The following OTOP2 variants were observed in gnomAD, a reference collection of about 807,000 sequenced individuals.
OTOP2 encodes otopetrin 2.
Under a neutral mutation model 47.4 loss-of-function variants are expected in OTOP2, and 41 were observed. The observed-to-expected ratio is 0.87, with a 90% confidence interval of 0.67 to 1.12. OTOP2 has a LOEUF of 1.12. Among genes scored for constraint, OTOP2 ranks in the 50% most tolerant of loss-of-function variants. The probability of loss-of-function intolerance (pLI) is 0.00; values close to 1 mark genes in which losing one functional copy is unlikely to be tolerated. For synonymous variants in OTOP2, 328 were observed against 319.6 expected, an observed-to-expected ratio of 1.03 and a Z score of -0.28; for missense variants, 721 against 752.2, an observed-to-expected ratio of 0.96 and a Z score of 0.49.
chr17:74,931,232 C>A, intron 6 of OTOP2, 79 bp downstream of exon 6: 4 of 1,501,232 alleles, frequency 2.7e-6, no homozygotes, highest in Non-Finnish European at 3.6e-6. Context: ...AAGCCCTTAG[C>A]CTTCTCTGTC....
At position 74,928,044 on chromosome 17, in the gene OTOP2, AC is replaced by A; in HGVS notation, c.643+248del. On this transcript the variant is annotated intron_variant, in intron 5 of 6. Transcript: ENST00000331427. ...GGCCCCCCTGTCCAGTCTCCATCCC[AC>A]CAAGAAGGGACCCAGGACCAGGTGC... 4 of 488,426 alleles carry A rather than the reference AC, an allele frequency of 8.2e-6. 1 individual carries two copies. The South Asian group carries it at 1.2e-4, about 15-fold the overall frequency. 30.3% of individuals were successfully genotyped at this position (488,426 alleles called of 1,614,324 possible). A position where few individuals can be genotyped will look rare whatever the true frequency, so the allele number is the denominator to read the frequency against.
Position 74,930,921 on chromosome 17 carries a change from C to T in OTOP2, c.1286C>T (p.Pro429Leu), listed in dbSNP as rs151127499. 13 of 1,613,944 alleles carry T rather than the reference C, an allele frequency of 8.1e-6. No homozygotes were observed. The highest frequency in any genetic ancestry group is 6.7e-5 in the African/African-American group (5 of 74,864). Reference sequence around the variant, plus strand: ...ATCATCGAGAGCCTTCACCGAGGACCGCCCGGGGCTGAGCCTCACAGTACC... The same window carrying T: ...ATCATCGAGAGCCTTCACCGAGGACTGCCCGGGGCTGAGCCTCACAGTACC... ...MFIIESLHRG[P>L]PGAEPHSTHP... The change falls in exon 6 of 7, where the codon CCG (proline) becomes CTG (leucine). Residue 429 changes from proline to leucine, a missense_variant. By Grantham distance (98) the Pro-to-Leu change is moderately conservative. Transcript: ENST00000331427. This position sits in a 1 kb window ranked among gnomAD's most constrained non-coding sequence, Gnocchi z 4.0.
chr17:74,927,897 A>G, intron 5 of OTOP2, 99 bp downstream of exon 5: 2 of 1,452,970 alleles, frequency 1.4e-6, no homozygotes, highest in Non-Finnish European at 1.9e-6. Flanking sequence ...ATGAGGGCAT[A>G]GAGGCAAAGG....
chr17:74,926,509 C>T (rs2079172617), intron 3 of OTOP2, among the ~76,000 whole-genome samples: 1 of 151,852 alleles, frequency 6.6e-6, no homozygotes, highest in Non-Finnish European at 1.5e-5. Context: ...GAGAAGTCCA[C>T]AGAGACTCCT....
At chr17:74,926,563 G>GAA (rs779592267) in intron 3 of OTOP2, among the ~76,000 whole-genome samples, 2 of 134,880 alleles carry the variant, frequency 1.5e-5, no homozygotes, top group African/African-American at 2.7e-5. Context: ...CTTGCTCCCA[G>GAA]AAAAAAAAAA....
rs1221648084 is a variant in OTOP2 at position 74,924,691 on chromosome 17, C to G, written c.59C>G (p.Pro20Arg). ...AGCCCCCCGGCGCCGCGTGCGGGCC[C>G]CAGGGAGGTGTGGAAGAAGGGTGGC... ...KESPPAPRAG[P>R]REVWKKGGRL... is the part of the protein sequence containing the mutation. The change falls in exon 2 of 7, where the codon CCC (proline) becomes CGC (arginine). Residue 20 changes from proline (P) to arginine (R), a missense_variant. By Grantham distance (103) the Pro-to-Arg change is moderately radical. Coordinates refer to ENST00000331427, the MANE Select transcript of OTOP2 (RefSeq NM_178160.3). The surrounding 1 kb of genome is among the most constrained non-coding windows in gnomAD (Gnocchi z 7.7). 98 of 1,601,466 alleles carry G rather than the reference C, an allele frequency of 6.1e-5. No individual in the cohort carries two copies. The highest frequency in any genetic ancestry group is 8.2e-5 in the Non-Finnish European group (97 of 1,176,036).
intron 6 of OTOP2, among the ~76,000 whole-genome samples, chr17:74,932,674 A>T (rs2039070603): frequency 6.6e-6 from 1 of 152,252 alleles, no homozygotes; most frequent in Non-Finnish European, 1.5e-5. Flanking sequence ...AATCACCTCC[A>T]GTAGCATCTT....
At chr17:74,931,255 C>T (rs915225944) in intron 6 of OTOP2, 102 bp downstream of exon 6, 74 of 1,430,976 alleles carry the variant, frequency 5.2e-5, no homozygotes, top group East Asian at 2.1e-4. Context: ...GCCCCCAGCC[C>T]GCCTGAGAAT....
chr17:74,927,784 G>A lies in OTOP2; in HGVS notation c.629G>A (p.Arg210His), dbSNP rs770834227. 38 of 1,613,872 alleles carry A rather than the reference G, an allele frequency of 2.4e-5. No homozygotes were observed. Among genetic ancestry groups the A allele is most frequent in the Admixed American group, 1.0e-4 (6 of 59,970 alleles). Residue 210 changes from arginine to histidine, a missense_variant, in exon 5 of 7, where the codon CGT (arginine) becomes CAT (histidine). Arg to His is a conservative substitution (Grantham distance 29). Transcript: ENST00000331427. ...SSSHSNASHA[R>H]LISDQHADNP... ...TCTCACAGCAACGCCAGCCACGCCC[G>A]TCTCATCTCTGACCGTGAGTTTCCT...
intron 4 of OTOP2, 33 bp downstream of exon 4, chr17:74,927,314 G>T: frequency 6.3e-7 from 1 of 1,591,144 alleles, no homozygotes; most frequent in Non-Finnish European, 8.6e-7. Flanking sequence ...TGTACCCAGC[G>T]TGCTGGTGTT....
intron 6 of OTOP2, among the ~76,000 whole-genome samples, chr17:74,932,866 C>A (rs1186706814): frequency 6.6e-6 from 1 of 152,276 alleles, no homozygotes; most frequent in East Asian, 1.9e-4. Flanking sequence ...ACTTCCACTT[C>A]CTCCCACTCC....
At chr17:74,927,362 C>A (rs2039017374) in intron 4 of OTOP2, 81 bp downstream of exon 4, 1 of 1,475,992 alleles carries the variant, frequency 6.8e-7, no homozygotes, top group Non-Finnish European at 9.5e-7. Flanking sequence ...CACCCTGGGG[C>A]AGGGCCTCTC....
rs2039046917 is a variant in OTOP2, at chr17:74,930,584, G to A, written c.949G>A (p.Asp317Asn). The change falls in exon 6 of 7, where the codon GAC becomes AAC. Residue 317 changes from aspartate (D) to asparagine (N), a missense_variant. Physicochemically the swap from Asp to Asn is conservative, Grantham distance 23. Coordinates refer to ENST00000331427, the MANE Select transcript of OTOP2 (RefSeq NM_178160.3). This position sits in a 1 kb window ranked among gnomAD's most constrained non-coding sequence, Gnocchi z 4.0. ...CATCTACGAGGTTCAAGTGAGCGGG[G>A]ACGGGAGCCGCACCAGGCAGGCCCT... ...FIIYEVQVSG[D>N]GSRTRQALVI... 20 of 1,613,870 alleles carry A rather than the reference G, an allele frequency of 1.2e-5. No homozygotes were observed. The highest frequency in any genetic ancestry group is 1.7e-5 in the Admixed American group (1 of 60,004).
In OTOP2 at chr17:74,930,861, T is replaced by G. The variant is rs1489270473; in HGVS notation, c.1226T>G (p.Leu409Arg). ...GGGCTCAACCTCACCCATGCACTGCTCATGATCGCCCAGCACACCTTCCAG... is the reference window on the plus strand; with the variant it reads ...GGGCTCAACCTCACCCATGCACTGCGCATGATCGCCCAGCACACCTTCCAG... ...LAGLNLTHAL[L>R]MIAQHTFQNM... Residue 409 changes from leucine (L) to arginine (R), a missense_variant, in exon 6 of 7, where the codon CTC becomes CGC. Transcript: ENST00000331427. The surrounding 1 kb of genome is among the most constrained non-coding windows in gnomAD (Gnocchi z 4.0). 6.2e-7 allele frequency: 1 copy of G among 1,614,036 alleles called. No homozygotes were observed. Among genetic ancestry groups the G allele is most frequent in the Admixed American group, 1.7e-5 (1 of 60,018 alleles).
rs1166465782 is a variant in OTOP2 at position 74,933,330 on chromosome 17, G to A, written c.1519-45G>A. The A allele has an allele frequency of 5.1e-6, 8 of 1,558,604 alleles. No homozygotes were observed. The highest frequency in any genetic ancestry group is 7.0e-6 in the Non-Finnish European group (8 of 1,143,294). Reference sequence around the variant, plus strand: ...CAAAACCCACAGAAATGACCCACAGGCATCCATCCAGGCCAGCTCCTGAAA... The same window carrying A: ...CAAAACCCACAGAAATGACCCACAGACATCCATCCAGGCCAGCTCCTGAAA... On this transcript the variant is annotated intron_variant, in intron 6 of 6. Coordinates refer to ENST00000331427, the MANE Select transcript of OTOP2 (RefSeq NM_178160.3). This position sits in a 1 kb window ranked among gnomAD's most constrained non-coding sequence, Gnocchi z 4.7.
rs746241958 is a variant in OTOP2 at position 74,930,460 on chromosome 17, C to T, written c.825C>T (p.His275=). The change falls in exon 6 of 7, where the codon CAC becomes CAT. Residue 275 remains histidine, a synonymous_variant. Transcript: ENST00000331427. The surrounding 1 kb of genome is among the most constrained non-coding windows in gnomAD (Gnocchi z 4.0). ...VGRFLASTPG[H]SHTPTPVSLF... ...GATTCCTGGCCTCCACCCCTGGCCA[C>T]AGCCACACCCCAACCCCTGTCAGCC... is the stretch of plus-strand genomic sequence containing the variant. 6 of 1,614,112 alleles carry T rather than the reference C, an allele frequency of 3.7e-6. No homozygotes were observed. Among genetic ancestry groups the T allele is most frequent in the African/African-American group, 1.3e-5 (1 of 74,944 alleles).
chr17:74,927,117 T>TGG (rs747993381), intron 3 of OTOP2, 106 bp from the exon 4 acceptor site: 54 of 1,045,658 alleles, frequency 5.2e-5, no homozygotes, highest in Non-Finnish European at 7.9e-5. Flanking sequence ...GATAACTCAG[T>TGG]GTAAGGGTTC....
intron 2 of OTOP2, 46 bp from the exon 3 acceptor site, chr17:74,925,510 T>A: frequency 6.2e-7 from 1 of 1,602,136 alleles, no homozygotes; most frequent in Non-Finnish European, 8.5e-7. Context: ...CCTTCTCTCC[T>A]GCCTCTTTGA....
Position 74,930,271 on chromosome 17 carries a change from C to T in OTOP2, c.644-8C>T, listed in dbSNP as rs1324207199. The T allele has an allele frequency of 2.5e-6, 4 of 1,608,840 alleles. No homozygotes were observed. Among genetic ancestry groups the T allele is most frequent in the Non-Finnish European group, 3.4e-6 (4 of 1,176,252 alleles). On this transcript the variant is annotated splice_region_variant and splice_polypyrimidine_tract_variant and intron_variant, in intron 5 of 6. Transcript: ENST00000331427. This position sits in a 1 kb window ranked among gnomAD's most constrained non-coding sequence, Gnocchi z 4.0. ...GGCTGTCCAGCCCTGTGTCTCTCTCCACAACAGAGCATGCAGACAACCCGG... is the reference window on the plus strand; with the variant it reads ...GGCTGTCCAGCCCTGTGTCTCTCTCTACAACAGAGCATGCAGACAACCCGG...
Sources: allele counts gnomAD v4.1 joint callset (sites outside exome capture counted in the v4.1 genomes callset), GRCh38; gene constraint gnomAD v4.1.1; non-coding constraint Gnocchi (gnomAD v3.1); transcripts MANE v1.5; gene names NCBI Gene and HGNC (gene_info 2026-07-23, HGNC 2026-07-21).